The following SCUBE2 variants were observed in gnomAD, a reference collection of about 807,000 sequenced individuals.
SCUBE2 encodes the protein signal peptide, CUB and EGF-like domain-containing protein 2.
A neutral mutation model predicts 125.9 loss-of-function variants in SCUBE2; 114 were observed. The ratio of observed to expected loss-of-function variants is 0.91; its 90% confidence interval spans 0.78 to 1.06. SCUBE2 has a LOEUF of 1.06. Among genes scored for constraint, SCUBE2 ranks in the 50% least tolerant of loss-of-function variants. The pLI, the probability that SCUBE2 is intolerant of heterozygous loss-of-function variation, is 0.00. For missense variants in SCUBE2, 1,255 were observed against 1,301.8 expected (o/e 0.96, Z 0.55); for synonymous variants, 459 against 492.9 (o/e 0.93, Z 0.91).
At chr11:9,059,500 G>C in intron 8 of SCUBE2, 75 bp from the exon 9 acceptor site, 1 of 1,529,740 alleles carries the variant, frequency 6.5e-7, no homozygotes, top group Non-Finnish European at 8.9e-7. Context: ...AAGGGCCATT[G>C]TGTGTGTTCA....
chr11:9,021,827 C>T (rs188492769), intron 22 of SCUBE2, 49 bp downstream of exon 22: 107 of 1,374,220 alleles, frequency 7.8e-5, no homozygotes, highest in Middle Eastern at 4.5e-4. Flanking sequence ...CAACAGTACT[C>T]GGGAAGCTCT....
At chr11:9,082,849 C>T (rs563240287) in intron 2 of SCUBE2, among the ~76,000 whole-genome samples, 20 of 152,270 alleles carry the variant, frequency 1.3e-4, no homozygotes, top group African/African-American at 3.6e-4. Flanking sequence ...TACAAGAACA[C>T]GGGGAATCTT....
intron 21 of SCUBE2, chr11:9,025,474 C>T: frequency 4.5e-6 from 2 of 447,240 alleles, no homozygotes; most frequent in South Asian, 6.1e-5. Context: ...TTCTTACTCA[C>T]CAAGCTATGC....
chr11:9,027,311 G>A lies in SCUBE2; in HGVS notation c.2701+53C>T, dbSNP rs139136091. ...CTCACATTGAAAGCCTGAGGAGCAG[G>A]TCATCAGGCTTCCCAGCTGGCCTGA... On this transcript the variant is annotated intron_variant, in intron 20 of 22. Transcript: ENST00000649792. The A allele has an allele frequency of 4.4e-5, 68 of 1,556,124 alleles. 2 individuals are homozygous for A. In the African/African-American group the frequency reaches 8.3e-4, roughly 19 times the overall value.
chr11:9,045,022 A>G lies in SCUBE2; in HGVS notation c.2002+2334T>C, dbSNP rs11042161. ...CCATATCCCTGTCGCCCTCTGCTAC[A>G]TGATAGTAGTATCTTTCCTCGTTTA... On this transcript the variant is annotated intron_variant, in intron 16 of 22. Transcript: ENST00000649792. Among the ~76,000 whole-genome samples, 11 of 152,254 alleles carry G rather than the reference A, an allele frequency of 7.2e-5. No homozygotes were observed. The East Asian group carries it at 2.1e-3, about 29-fold the overall frequency.
intron 2 of SCUBE2, among the ~76,000 whole-genome samples, chr11:9,079,758 T>C (rs573173065): frequency 2.0e-5 from 3 of 152,136 alleles, no homozygotes; most frequent in Admixed American, 6.5e-5. Flanking sequence ...CATGGACTAC[T>C]ATGCAGCTAT....
Position 9,091,246 on chromosome 11 carries a change from G to A in SCUBE2, c.133+150C>T, listed in dbSNP as rs1482000569. ...CGTGGCGCCTTGGCCCGGCCGGCGG[G>A]TGAGGTCCCGGGGGGAGCAGAGGCC... On this transcript the variant is annotated intron_variant, in intron 1 of 22. Coordinates refer to ENST00000649792, the MANE Select transcript of SCUBE2 (RefSeq NM_001367977.2). This position sits in a 1 kb window ranked among gnomAD's most constrained non-coding sequence, Gnocchi z 8.5. The A allele has an allele frequency of 1.6e-5, 8 of 487,746 alleles. No homozygotes were observed. The East Asian group carries it at 3.5e-4, about 21-fold the overall frequency. The allele number at this position is 487,746 out of a possible 1,614,324, so 30.2% of individuals were successfully genotyped here. A position where few individuals can be genotyped will look rare whatever the true frequency, so the allele number is the denominator to read the frequency against.
intron 9 of SCUBE2, among the ~76,000 whole-genome samples, chr11:9,059,084 T>C (rs2135566586): frequency 6.6e-6 from 1 of 152,318 alleles, no homozygotes; most frequent in South Asian, 2.1e-4. Flanking sequence ...CTTTAAGGTG[T>C]TCTCTAACCA....
chr11:9,048,034 T>C lies in SCUBE2; in HGVS notation c.1704A>G (p.Gln568=). The C allele has an allele frequency of 6.2e-7, 1 of 1,614,214 alleles. No homozygotes were observed. ...YVNLTCSSGK[Q]VPGAPGRPST... ...TTGGTCGGCCAGGGGCTCCTGGGACTTGCTTGCCAGAGCTGCATGTAAGGT... is the reference window on the plus strand; with the variant it reads ...TTGGTCGGCCAGGGGCTCCTGGGACCTGCTTGCCAGAGCTGCATGTAAGGT... The change falls in exon 15 of 23, where the codon CAA becomes CAG. Residue 568 remains glutamine, a synonymous_variant. Coordinates refer to ENST00000649792, the MANE Select transcript of SCUBE2 (RefSeq NM_001367977.2).
intron 5 of SCUBE2, 128 bp downstream of exon 5, chr11:9,069,242 A>G (rs946815294): frequency 1.7e-6 from 2 of 1,178,826 alleles, no homozygotes; most frequent in African/African-American, 1.5e-5. Context: ...AGAGGTCGGT[A>G]TCCCGTGCTA....
intron 2 of SCUBE2, among the ~76,000 whole-genome samples, chr11:9,082,824 A>G (rs1318518949): frequency 1.3e-5 from 2 of 152,194 alleles, no homozygotes; most frequent in Non-Finnish European, 2.9e-5. Flanking sequence ...TGGGACTGGG[A>G]ATGAGGATTA....
At chr11:9,043,575 T>C (rs1198333323) in intron 16 of SCUBE2, among the ~76,000 whole-genome samples, 1 of 151,750 alleles carries the variant, frequency 6.6e-6, no homozygotes, top group African/African-American at 2.4e-5. Context: ...CTTTACTATA[T>C]AAAATAATGA....
At chr11:9,053,908 G>A (rs1161238389) in intron 10 of SCUBE2, 149 bp from the exon 11 acceptor site, 6 of 894,016 alleles carry the variant, frequency 6.7e-6, no homozygotes, top group Non-Finnish European at 4.9e-6. Flanking sequence ...ATGAGCGCTC[G>A]GCACCAGCTG....
At chr11:9,047,590 GGGA>G (rs1310804642) in intron 15 of SCUBE2, 28 bp from the exon 16 acceptor site, 3 of 1,605,080 alleles carry the variant, frequency 1.9e-6, no homozygotes, top group Non-Finnish European at 2.6e-6. Flanking sequence ...ACAGCAGTGC[GGGA>G]GGAGATCAGG....
rs564206474 is a variant in SCUBE2 at position 9,019,943 on chromosome 11, A to C, written c.*1102T>G. Among the ~76,000 whole-genome samples the C allele has an allele frequency of 7.8e-4, 119 of 152,322 alleles. 1 individual carries two copies. Among genetic ancestry groups the C allele is most frequent in the African/African-American group, 2.4e-3 (99 of 41,570 alleles). On this transcript the variant is annotated 3_prime_UTR_variant, in exon 23 of 23. Coordinates refer to ENST00000649792, the MANE Select transcript of SCUBE2 (RefSeq NM_001367977.2). ...ATGATCGTGAGGCCCTGCTGGCCTGACCCAAAGTGAGATGATCGTGTGGCA... is the reference window on the plus strand; with the variant it reads ...ATGATCGTGAGGCCCTGCTGGCCTGCCCCAAAGTGAGATGATCGTGTGGCA...
intron 4 of SCUBE2, among the ~76,000 whole-genome samples, chr11:9,070,538 C>T (rs1860695717): frequency 6.6e-6 from 1 of 152,212 alleles, no homozygotes; most frequent in Non-Finnish European, 1.5e-5. Context: ...TCTAAAACAT[C>T]TCTGAGAGTA....
chr11:9,052,953 G>A, intron 12 of SCUBE2, 121 bp from the exon 13 acceptor site: 2 of 1,020,276 alleles, frequency 2.0e-6, no homozygotes, highest in South Asian at 1.5e-5. Flanking sequence ...CAGCATATGG[G>A]GTCTCGAAGC....
At chr11:9,085,543 G>T (rs1042327946) in intron 2 of SCUBE2, among the ~76,000 whole-genome samples, 1 of 152,058 alleles carries the variant, frequency 6.6e-6, no homozygotes, top group African/African-American at 2.4e-5. Flanking sequence ...TGGCTAACAC[G>T]GTGAAACCCC....
In SCUBE2 at chr11:9,022,968, G is replaced by T. The variant is rs550267303; in HGVS notation, c.2855-1013C>A. Among the ~76,000 whole-genome samples the T allele has an allele frequency of 2.6e-5, 4 of 152,126 alleles. No homozygotes were observed. In the East Asian group the frequency reaches 7.7e-4, roughly 29 times the overall value. On this transcript the variant is annotated intron_variant, in intron 21 of 22. Coordinates refer to ENST00000649792, the MANE Select transcript of SCUBE2 (RefSeq NM_001367977.2). ...TATTTGAATGGGGCTGGAGGGTGGAGAATTTGGCTGGTCGGGGAGGAAGAA... is the reference window on the plus strand; with the variant it reads ...TATTTGAATGGGGCTGGAGGGTGGATAATTTGGCTGGTCGGGGAGGAAGAA...
Sources: allele counts gnomAD v4.1 joint callset (sites outside exome capture counted in the v4.1 genomes callset), GRCh38; gene constraint gnomAD v4.1.1; non-coding constraint Gnocchi (gnomAD v3.1); transcripts MANE v1.5; gene names NCBI Gene and HGNC (gene_info 2026-07-23, HGNC 2026-07-21).